Variants in PLCB1 observed in about 807,000 individuals in gnomAD.
PLCB1 encodes the protein 1-phosphatidylinositol 4,5-bisphosphate phosphodiesterase beta-1.
A neutral mutation model predicts 161.8 loss-of-function variants in PLCB1; 46 were observed. The ratio of observed to expected loss-of-function variants is 0.28; its 90% CI spans 0.22 to 0.36. PLCB1 has a LOEUF of 0.36. Among genes scored for constraint, PLCB1 ranks in the 10% least tolerant of loss-of-function variants. The probability of loss-of-function intolerance (pLI) is 1.00; values close to 1 mark genes in which losing one functional copy is unlikely to be tolerated. For synonymous variants in PLCB1, 517 were observed against 503.7 expected, an observed-to-expected ratio of 1.03 and a Z score of -0.35; for missense variants, 1,016 against 1,472.5, an observed-to-expected ratio of 0.69 and a Z score of 5.07.
At chr20:8,237,765 A>T (rs892424316) in intron 2 of PLCB1, among the ~76,000 whole-genome samples, 1 of 152,076 alleles carries the variant, frequency 6.6e-6, no homozygotes, top group African/African-American at 2.4e-5. Context: ...TCAGGCACCA[A>T]CCATGGGATT....
intron 3 of PLCB1, among the ~76,000 whole-genome samples, chr20:8,452,324 AT>A (rs1325774015): frequency 6.6e-6 from 1 of 152,176 alleles, no homozygotes; most frequent in South Asian, 2.1e-4. Context: ...ACTCCCAGGA[AT>A]TTTTTAGCCA....
chr20:8,656,523 C>G (rs1989461074), intron 7 of PLCB1, among the ~76,000 whole-genome samples: 1 of 151,854 alleles, frequency 6.6e-6, no homozygotes, highest in Admixed American at 6.6e-5. Context: ...CCATGGCAGC[C>G]CAACCAAACA....
intron 3 of PLCB1, among the ~76,000 whole-genome samples, chr20:8,543,169 G>A (rs1158353108): frequency 2.0e-5 from 3 of 152,114 alleles, no homozygotes; most frequent in Admixed American, 6.5e-5. Context: ...AGTTTCATAT[G>A]CATTTTCAAG....
chr20:8,737,039 T>A lies in PLCB1; in HGVS notation c.2055T>A (p.Gly685=). ...TATTGATTTTCTAGATTATTTCAGG[T>A]CAGTTTCTTTCTGATAAGAAAGTTG... ...ANTLSVKIIS[G]QFLSDKKVGT... Residue 685 remains glycine (G), a synonymous_variant, in exon 20 of 32, where the codon GGT becomes GGA. Transcript: ENST00000338037. 1 of 1,611,312 alleles carries A rather than the reference T, an allele frequency of 6.2e-7. No homozygotes were observed. Among genetic ancestry groups the A allele is most frequent in the Non-Finnish European group, 8.5e-7 (1 of 1,177,828 alleles).
At chr20:8,671,595 A>G (rs1362485778) in intron 9 of PLCB1, among the ~76,000 whole-genome samples, 1 of 152,216 alleles carries the variant, frequency 6.6e-6, no homozygotes, top group Non-Finnish European at 1.5e-5. Flanking sequence ...GCTTCTTTAC[A>G]CAGAAAGATT....
intron 3 of PLCB1, among the ~76,000 whole-genome samples, chr20:8,430,466 A>T (rs971483255): frequency 6.6e-6 from 1 of 152,176 alleles, no homozygotes; most frequent in Admixed American, 6.5e-5. Flanking sequence ...TCTCAGTGTT[A>T]CCTTGCCTGG....
intron 31 of PLCB1, among the ~76,000 whole-genome samples, chr20:8,833,894 C>T (rs748483991): frequency 3.9e-5 from 6 of 152,002 alleles, no homozygotes; most frequent in Non-Finnish European, 2.9e-5. Context: ...ATGCTCTTGC[C>T]CATCCTTCTG....
intron 13 of PLCB1, among the ~76,000 whole-genome samples, chr20:8,717,383 A>T (rs1979377843): frequency 6.6e-6 from 1 of 152,210 alleles, no homozygotes; most frequent in Non-Finnish European, 1.5e-5. Flanking sequence ...TCTATGTTCC[A>T]TTGGAAAATT....
chr20:8,337,552 A>T (rs1985628674), intron 2 of PLCB1, among the ~76,000 whole-genome samples: 1 of 152,230 alleles, frequency 6.6e-6, no homozygotes, highest in Admixed American at 6.5e-5. Context: ...TGCCTTAGAC[A>T]TATGGAAAAT....
chr20:8,516,214 A>G (rs903789065), intron 3 of PLCB1, among the ~76,000 whole-genome samples: 4 of 152,188 alleles, frequency 2.6e-5, no homozygotes, highest in Non-Finnish European at 5.9e-5. Context: ...CCGTATCATC[A>G]TCTCACATGT....
At chr20:8,143,585 A>G (rs1219148526) in intron 1 of PLCB1, among the ~76,000 whole-genome samples, 1 of 152,242 alleles carries the variant, frequency 6.6e-6, no homozygotes, top group African/African-American at 2.4e-5. Context: ...ACAAGTGAGT[A>G]TAGGAAGCAT....
At chr20:8,356,331 T>C (rs1986361248) in intron 2 of PLCB1, among the ~76,000 whole-genome samples, 1 of 152,182 alleles carries the variant, frequency 6.6e-6, no homozygotes, top group Non-Finnish European at 1.5e-5. Flanking sequence ...GGATTTGTTA[T>C]AATGCAGATT....
intron 3 of PLCB1, among the ~76,000 whole-genome samples, chr20:8,457,711 C>CGT (rs1568683898): frequency 2.2e-4 from 18 of 82,510 alleles, no homozygotes; most frequent in African/African-American, 7.6e-4. Flanking sequence ...CTAATGTGTG[C>CGT]GCGCACACAC....
At chr20:8,182,654 C>T (rs1244105954) in intron 2 of PLCB1, among the ~76,000 whole-genome samples, 1 of 150,502 alleles carries the variant, frequency 6.6e-6, no homozygotes, top group East Asian at 2.0e-4. Flanking sequence ...GATCTCGGCT[C>T]ACTGCAACCT....
At position 8,132,831 on chromosome 20, in the gene PLCB1, G is replaced by A. The variant is rs1056082504; in HGVS notation, c.99+81G>A. On this transcript the variant is annotated intron_variant, in intron 1 of 31. Transcript: ENST00000338037. This position sits in a 1 kb window ranked among gnomAD's most constrained non-coding sequence, Gnocchi z 5.2. ...GCGTCGTGGGGGTGGGGCAAGGGGC[G>A]CGTTATGCAATGGGCGCACTGGGAG... 3.0e-6 allele frequency: 3 copies of A among 985,272 alleles called. No individual in the cohort carries two copies. Among genetic ancestry groups the A allele is most frequent in the Non-Finnish European group, 3.1e-6 (2 of 637,916 alleles). The allele number at this position is 985,272 out of a possible 1,614,324, so 61.0% of individuals were successfully genotyped here. A position where few individuals can be genotyped will look rare whatever the true frequency, so the allele number is the denominator to read the frequency against.
At chr20:8,787,605 G>A (rs1204188250) in intron 27 of PLCB1, among the ~76,000 whole-genome samples, 1 of 152,202 alleles carries the variant, frequency 6.6e-6, no homozygotes, top group Non-Finnish European at 1.5e-5. Context: ...TGAAAACCTT[G>A]CAGAAGGTTC....
At chr20:8,345,957 T>G (rs1056843967) in intron 2 of PLCB1, among the ~76,000 whole-genome samples, 3 of 152,200 alleles carry the variant, frequency 2.0e-5, no homozygotes, top group African/African-American at 7.2e-5. Context: ...CAGTTTCTGC[T>G]TTGAAGGGTC....
chr20:8,839,213 C>G (rs1177849472), intron 31 of PLCB1, among the ~76,000 whole-genome samples: 7 of 152,126 alleles, frequency 4.6e-5, no homozygotes, highest in Non-Finnish European at 1.5e-5. Context: ...TCCTAGGAGT[C>G]CAGTGGCGTG....
chr20:8,446,072 C>A (rs1568679692), intron 3 of PLCB1, among the ~76,000 whole-genome samples: 2 of 152,034 alleles, frequency 1.3e-5, no homozygotes, highest in Admixed American at 6.6e-5. Flanking sequence ...CCAGCATCAT[C>A]CTGATACCAA....
Sources: gnomAD v4.1 joint callset for allele counts (sites outside exome capture counted in the v4.1 genomes callset) on GRCh38, gnomAD v4.1.1 for gene constraint, Gnocchi (gnomAD v3.1) non-coding constraint, MANE v1.5 for transcripts, NCBI Gene and HGNC (gene_info 2026-07-23, HGNC 2026-07-21) for gene names.